The following LSM6 variants were observed in gnomAD, a reference collection of about 807,000 sequenced individuals.
LSM6 encodes U6 snRNA-associated Sm-like protein LSm6.
A neutral mutation model predicts 13.5 loss-of-function variants in LSM6; 2 were observed. The observed-to-expected ratio is 0.15, with a 90% CI of 0.06 to 0.47. The LOEUF is 0.47. LSM6 is among the 20% of genes least tolerant of loss of function. The probability of loss-of-function intolerance (pLI) is 0.97; values close to 1 mark genes in which losing one functional copy is unlikely to be tolerated. For missense variants in LSM6, 58 were observed against 96.4 expected (o/e 0.60, Z 1.67); for synonymous variants, 43 against 34.9 (o/e 1.23, Z -0.82).
chr4:146,189,554 A>G (rs948530167), intron 3 of LSM6, 68 bp from the exon 4 acceptor site: 12 of 982,310 alleles, frequency 1.2e-5, no homozygotes, highest in Non-Finnish European at 1.7e-5. Context: ...TGGCTTTTAA[A>G]CTTGCTACTA....
chr4:146,186,276 C>T (rs897873856), intron 2 of LSM6, among the ~76,000 whole-genome samples: 6 of 152,138 alleles, frequency 3.9e-5, no homozygotes, highest in African/African-American at 1.4e-4. Flanking sequence ...ATGTCTTTTG[C>T]TGTCATTACA....
chr4:146,177,057 G>A (rs573748216), intron 1 of LSM6, among the ~76,000 whole-genome samples: 7 of 152,040 alleles, frequency 4.6e-5, no homozygotes, highest in African/African-American at 1.4e-4. Flanking sequence ...TGTCACTGGC[G>A]TTAATGCGTT....
chr4:146,189,912 T>C lies in LSM6; in HGVS notation c.*256T>C. On this transcript the variant is annotated 3_prime_UTR_variant, in exon 4 of 4. Coordinates refer to ENST00000296581, the MANE Select transcript of LSM6 (RefSeq NM_007080.3). ...AAAATAATTAAAAAAAGACAAAATA[T>C]ACCTCTTCCTACAAGATTATTTAAC... 1 of 364,312 alleles carries C rather than the reference T, an allele frequency of 2.7e-6. No homozygotes were observed. Among genetic ancestry groups the C allele is most frequent in the East Asian group, 5.0e-5 (1 of 20,132 alleles). The allele number at this position is 364,312 out of a possible 1,614,324, so 22.6% of individuals were successfully genotyped here. A position where few individuals can be genotyped will look rare whatever the true frequency, so the allele number is the denominator to read the frequency against.
At chr4:146,180,332 T>G (rs1730205577) in intron 1 of LSM6, among the ~76,000 whole-genome samples, 1 of 152,234 alleles carries the variant, frequency 6.6e-6, no homozygotes, top group Non-Finnish European at 1.5e-5. Context: ...GCGCCTGAAC[T>G]TGACAGGTGC....
chr4:146,183,186 A>C (rs553636756), intron 2 of LSM6, 171 bp downstream of exon 2: 11 of 510,094 alleles, frequency 2.2e-5, no homozygotes, highest in East Asian at 1.8e-4. Flanking sequence ...TAGAAGGACA[A>C]CTCTGACAGT....
In LSM6 at chr4:146,189,926, A is replaced by G; in HGVS notation, c.*270A>G. On this transcript the variant is annotated 3_prime_UTR_variant, in exon 4 of 4. Transcript: ENST00000296581. Reference sequence around the variant, plus strand: ...AAGACAAAATATACCTCTTCCTACAAGATTATTTAACTTAAGTTTCGAGAA... The same window carrying G: ...AAGACAAAATATACCTCTTCCTACAGGATTATTTAACTTAAGTTTCGAGAA... The G allele has an allele frequency of 3.0e-6, 1 of 331,252 alleles. No individual in the cohort carries two copies. The highest frequency in any genetic ancestry group is 5.4e-6 in the Non-Finnish European group (1 of 185,112). 20.5% of individuals were successfully genotyped at this position (331,252 alleles called of 1,614,324 possible).
intron 1 of LSM6, among the ~76,000 whole-genome samples, chr4:146,180,403 G>A (rs1302704330): frequency 6.6e-6 from 1 of 152,194 alleles, no homozygotes; most frequent in Non-Finnish European, 1.5e-5. Flanking sequence ...TTGGAATACA[G>A]ATAAAGCATA....
At chr4:146,183,127 C>G in intron 2 of LSM6, 112 bp downstream of exon 2, 1 of 689,088 alleles carries the variant, frequency 1.5e-6, no homozygotes, top group South Asian at 1.7e-5. Context: ...TACTGGTCAT[C>G]AGTAGTTTTT....
chr4:146,183,041 C>G (rs369291524), intron 2 of LSM6, 26 bp downstream of exon 2: 3 of 1,433,500 alleles, frequency 2.1e-6, no homozygotes, highest in South Asian at 2.3e-5. Flanking sequence ...TTCAACCTCA[C>G]TGGTATAACT....
At chr4:146,178,620 G>GT (rs1730164690) in intron 1 of LSM6, among the ~76,000 whole-genome samples, 1 of 152,192 alleles carries the variant, frequency 6.6e-6, no homozygotes, top group Non-Finnish European at 1.5e-5. Flanking sequence ...CCAGGAGTAG[G>GT]TAAAAACTTA....
At chr4:146,186,031 C>T (rs898155671) in intron 2 of LSM6, among the ~76,000 whole-genome samples, 1 of 152,310 alleles carries the variant, frequency 6.6e-6, no homozygotes, top group African/African-American at 2.4e-5. Flanking sequence ...GCCACTTTGC[C>T]CAGCCTGGAC....
intron 1 of LSM6, among the ~76,000 whole-genome samples, chr4:146,176,855 C>CA (rs1730121803): frequency 6.6e-6 from 1 of 151,924 alleles, no homozygotes; most frequent in South Asian, 2.1e-4. Flanking sequence ...TAGATTATTT[C>CA]CTTGGACTAG....
intron 1 of LSM6, among the ~76,000 whole-genome samples, chr4:146,178,869 G>A (rs1184602045): frequency 6.6e-6 from 1 of 152,192 alleles, no homozygotes; most frequent in Non-Finnish European, 1.5e-5. Flanking sequence ...ATTCAGAAGG[G>A]CAGCTGTACC....
At chr4:146,186,584 C>T (rs561704675) in intron 2 of LSM6, among the ~76,000 whole-genome samples, 6 of 152,228 alleles carry the variant, frequency 3.9e-5, no homozygotes, top group Non-Finnish European at 7.4e-5. Context: ...AAAGCTCCCT[C>T]GAATGTTTTT....
At position 146,189,977 on chromosome 4, in the gene LSM6, C is replaced by T. The variant is rs1043705782; in HGVS notation, c.*321C>T. The T allele has an allele frequency of 1.2e-4, 29 of 251,634 alleles. No individual in the cohort carries two copies. The highest frequency in any genetic ancestry group is 1.8e-4 in the African/African-American group (8 of 43,930). 15.6% of individuals were successfully genotyped at this position (251,634 alleles called of 1,614,324 possible). On this transcript the variant is annotated 3_prime_UTR_variant, in exon 4 of 4. Coordinates refer to ENST00000296581, the MANE Select transcript of LSM6 (RefSeq NM_007080.3). ...GTGTCATTTCATTTGACTTGCTTTT[C>T]TTATCCAGCTAAAATGATGCATATA...
chr4:146,189,520 C>A, intron 3 of LSM6, 102 bp from the exon 4 acceptor site: 1 of 693,368 alleles, frequency 1.4e-6, no homozygotes. Flanking sequence ...TTTTAAATGT[C>A]AGATGTATCA....
At chr4:146,181,792 T>G (rs1352684971) in intron 1 of LSM6, among the ~76,000 whole-genome samples, 1 of 152,188 alleles carries the variant, frequency 6.6e-6, no homozygotes, top group Non-Finnish European at 1.5e-5. Context: ...TTCTGAAATA[T>G]TTTTACTCAG....
chr4:146,186,294 G>C (rs1415512936), intron 2 of LSM6, among the ~76,000 whole-genome samples: 1 of 152,136 alleles, frequency 6.6e-6, no homozygotes, highest in African/African-American at 2.4e-5. Flanking sequence ...ACACAATTTT[G>C]AAAGGAAACT....
At chr4:146,184,579 C>G (rs1578679990) in intron 2 of LSM6, among the ~76,000 whole-genome samples, 1 of 152,074 alleles carries the variant, frequency 6.6e-6, no homozygotes, top group Non-Finnish European at 1.5e-5. Flanking sequence ...TGCCTCTCAC[C>G]TGCGAACTTT....
Sources: allele counts gnomAD v4.1 joint callset (sites outside exome capture counted in the v4.1 genomes callset), GRCh38; gene constraint gnomAD v4.1.1; transcripts MANE v1.5; gene names NCBI Gene and HGNC (gene_info 2026-07-23, HGNC 2026-07-21).